The following THSD7B variants were observed in gnomAD, a reference collection of about 807,000 sequenced individuals.
The protein encoded by THSD7B is thrombospondin type-1 domain-containing protein 7B.
In THSD7B, 138 loss-of-function variants were observed where a neutral mutation model predicts 213.6. The observed-to-expected ratio is 0.65, with a 90% CI of 0.56 to 0.74. The LOEUF (loss-of-function observed/expected upper bound fraction) is 0.74, where lower values mean the gene tolerates loss of function less well. THSD7B is among the 30% of genes least tolerant of loss of function. THSD7B has a pLI of 0.00. For synonymous variants in THSD7B, 742 were observed against 687.0 expected, an observed-to-expected ratio of 1.08 and a Z score of -1.25; for missense variants, 1,931 against 1,991.5, an observed-to-expected ratio of 0.97 and a Z score of 0.58.
chr2:136,790,302 A>T (rs2104913269), intron 1 of THSD7B, among the ~76,000 whole-genome samples: 1 of 152,140 alleles, frequency 6.6e-6, no homozygotes, highest in South Asian at 2.1e-4. Flanking sequence ...TGGAAAATAG[A>T]AGAAAAAAAC....
chr2:136,922,527 C>T (rs987655795), intron 2 of THSD7B, among the ~76,000 whole-genome samples: 2 of 152,180 alleles, frequency 1.3e-5, no homozygotes, highest in African/African-American at 4.8e-5. Flanking sequence ...AGAAATTGTA[C>T]TTAGAAAATG....
chr2:136,883,579 A>G (rs889352764), intron 2 of THSD7B, among the ~76,000 whole-genome samples: 1 of 152,204 alleles, frequency 6.6e-6, no homozygotes, highest in Non-Finnish European at 1.5e-5. Context: ...AAATCAAAAT[A>G]TGCACATTTT....
chr2:137,494,119 G>GT (rs1679502365), intron 15 of THSD7B, among the ~76,000 whole-genome samples: 1 of 152,138 alleles, frequency 6.6e-6, no homozygotes, highest in Non-Finnish European at 1.5e-5. Context: ...TAAAGCTGTG[G>GT]TTAACAGAAA....
intron 1 of THSD7B, among the ~76,000 whole-genome samples, chr2:136,827,039 G>A (rs997060249): frequency 6.6e-6 from 1 of 152,154 alleles, no homozygotes; most frequent in African/African-American, 2.4e-5. Context: ...ACAAACACAG[G>A]AAAAGAAAAT....
chr2:137,279,829 G>A lies in THSD7B; in HGVS notation c.2500+3803G>A, dbSNP rs185923586. ...GCTAAGCATCATAACCTGCACATAT[G>A]ACTTTATTTGCAAAAAGGATCTTTG... On this transcript the variant is annotated intron_variant, in intron 12 of 27. Coordinates refer to ENST00000409968, the MANE Select transcript of THSD7B (RefSeq NM_001316349.2). 2.0e-3 allele frequency among the ~76,000 whole-genome samples: 311 copies of A among 152,172 alleles called. 3 individuals are homozygous for A. Among genetic ancestry groups the A allele is most frequent in the African/African-American group, 7.1e-3 (293 of 41,534 alleles).
At chr2:137,282,952 G>A (rs931637429) in intron 12 of THSD7B, among the ~76,000 whole-genome samples, 1 of 152,142 alleles carries the variant, frequency 6.6e-6, no homozygotes, top group East Asian at 1.9e-4. Context: ...AAAGTCATTG[G>A]TAGCTTGATG....
rs574559586 is a variant in THSD7B, at chr2:137,112,989, T to G, written c.1200-2135T>G. Among the ~76,000 whole-genome samples the G allele has an allele frequency of 3.9e-5, 6 of 152,344 alleles. No homozygotes were observed. The South Asian group carries it at 8.3e-4, about 21-fold the overall frequency. On this transcript the variant is annotated intron_variant, in intron 4 of 27. Transcript: ENST00000409968. ...AAATTCTGATTCAAACCAAGTTGGTTGGACTCCAAAGCATACTTGTCATCT... is the reference window on the plus strand; with the variant it reads ...AAATTCTGATTCAAACCAAGTTGGTGGGACTCCAAAGCATACTTGTCATCT...
intron 17 of THSD7B, 71 bp downstream of exon 17, chr2:137,572,627 C>A: frequency 6.6e-7 from 1 of 1,511,580 alleles, no homozygotes; most frequent in Non-Finnish European, 9.0e-7. Context: ...TGTGCATTCA[C>A]AGTGCTAGTC....
chr2:137,308,070 T>C (rs949745202), intron 12 of THSD7B, among the ~76,000 whole-genome samples: 5 of 152,060 alleles, frequency 3.3e-5, no homozygotes, highest in Non-Finnish European at 5.9e-5. Flanking sequence ...TGATACACTA[T>C]GGAAGAGAGA....
At chr2:136,935,696 G>C (rs1684713394) in intron 2 of THSD7B, among the ~76,000 whole-genome samples, 1 of 151,954 alleles carries the variant, frequency 6.6e-6, no homozygotes, top group Non-Finnish European at 1.5e-5. Flanking sequence ...ATAATTTACT[G>C]TTCCCAAAGC....
intron 14 of THSD7B, among the ~76,000 whole-genome samples, chr2:137,433,983 T>C (rs1380985831): frequency 1.3e-5 from 2 of 152,202 alleles, no homozygotes; most frequent in Non-Finnish European, 2.9e-5. Context: ...CTCTAAGTCT[T>C]GACTCTGACA....
intron 20 of THSD7B, among the ~76,000 whole-genome samples, chr2:137,630,642 TTTC>T (rs1475722132): frequency 6.6e-6 from 1 of 152,220 alleles, no homozygotes; most frequent in Non-Finnish European, 1.5e-5. Context: ...GATGAACTTG[TTTC>T]TTAAGAGACC....
At chr2:136,863,627 A>G (rs947020165) in intron 1 of THSD7B, among the ~76,000 whole-genome samples, 3 of 152,210 alleles carry the variant, frequency 2.0e-5, no homozygotes, top group African/African-American at 4.8e-5. Context: ...TAGAAAGCCA[A>G]TTGGAGCTGA....
At chr2:137,620,562 TAAAG>T in intron 19 of THSD7B, 43 bp from the exon 20 acceptor site, 1 of 1,463,064 alleles carries the variant, frequency 6.8e-7, no homozygotes. Flanking sequence ...GTGATTTGAC[TAAAG>T]AGTGATTTCT....
chr2:137,160,319 C>T lies in THSD7B; in HGVS notation c.1476C>T (p.Ala492=), dbSNP rs761390289. ...ACTGCATAGTATCTTCCTGGTCAGCCTGGGGCCTGTGCATCCATGAAAACT... is the reference window on the plus strand; with the variant it reads ...ACTGCATAGTATCTTCCTGGTCAGCTTGGGGCCTGTGCATCCATGAAAACT... ...STDCIVSSWS[A]WGLCIHENCH... The change falls in exon 6 of 28, where the codon GCC becomes GCT. Residue 492 remains alanine, a synonymous_variant. Coordinates refer to ENST00000409968, the MANE Select transcript of THSD7B (RefSeq NM_001316349.2). 2 of 1,613,606 alleles carry T rather than the reference C, an allele frequency of 1.2e-6. No homozygotes were observed. Among genetic ancestry groups the T allele is most frequent in the Non-Finnish European group, 1.7e-6 (2 of 1,179,692 alleles).
intron 1 of THSD7B, among the ~76,000 whole-genome samples, chr2:136,795,898 ATTTT>A (rs1363721261): frequency 1.3e-5 from 2 of 151,950 alleles, no homozygotes; most frequent in Admixed American, 6.6e-5. Flanking sequence ...TATCATATAC[ATTTT>A]TTAAGTCCTT....
At chr2:137,631,895 T>G (rs1409540381) in intron 20 of THSD7B, among the ~76,000 whole-genome samples, 1 of 152,206 alleles carries the variant, frequency 6.6e-6, no homozygotes, top group Non-Finnish European at 1.5e-5. Flanking sequence ...TATAAAATGA[T>G]GAAATGTTAG....
intron 1 of THSD7B, among the ~76,000 whole-genome samples, chr2:136,834,793 A>G (rs1682818196): frequency 6.6e-6 from 1 of 152,202 alleles, no homozygotes; most frequent in African/African-American, 2.4e-5. Flanking sequence ...ACTCAGTTTT[A>G]TATGGACAAT....
chr2:137,360,520 A>C (rs1197343597), intron 12 of THSD7B, among the ~76,000 whole-genome samples: 1 of 152,160 alleles, frequency 6.6e-6, no homozygotes, highest in Non-Finnish European at 1.5e-5. Flanking sequence ...TAAATACTGC[A>C]CTATTCCAAA....
Sources: allele counts gnomAD v4.1 joint callset (sites outside exome capture counted in the v4.1 genomes callset), GRCh38; gene constraint gnomAD v4.1.1; transcripts MANE v1.5; gene names NCBI Gene and HGNC (gene_info 2026-07-23, HGNC 2026-07-21).